The following ITSN1 variants were observed in gnomAD, a reference collection of about 807,000 sequenced individuals.
The protein encoded by ITSN1 is intersectin 1.
ITSN1 carries 58 observed loss-of-function variants against 239.8 expected under a neutral mutation model. That is an observed-to-expected ratio of 0.24 (90% CI 0.20 to 0.30). The LOEUF is 0.30. ITSN1 is among the 10% of genes least tolerant of loss of function. ITSN1 has a pLI of 1.00. For synonymous variants in ITSN1, 780 were observed against 770.8 expected, an observed-to-expected ratio of 1.01 and a Z score of -0.20; for missense variants, 1,558 against 2,103.3, an observed-to-expected ratio of 0.74 and a Z score of 5.07.
chr21:33,656,433 G>A (rs1337394905), intron 1 of ITSN1, among the ~76,000 whole-genome samples: 1 of 152,116 alleles, frequency 6.6e-6, no homozygotes, highest in East Asian at 1.9e-4. Context: ...ATAAAATGTT[G>A]ACCTCATGCA....
chr21:33,751,649 G>A (rs1050844058), intron 6 of ITSN1, among the ~76,000 whole-genome samples, 161 bp from the exon 7 acceptor site: 3 of 152,164 alleles, frequency 2.0e-5, no homozygotes, highest in African/African-American at 7.2e-5. Context: ...TTTGGCAGGA[G>A]GACAGAGGGT....
Position 33,711,314 on chromosome 21 carries a change from AT to A in ITSN1, c.-32-7473del, listed in dbSNP as rs540375961. Among the ~76,000 whole-genome samples, 101 of 146,304 alleles carry A rather than the reference AT, an allele frequency of 6.9e-4. 1 individual carries two copies. In the South Asian group the frequency reaches 0.017, roughly 24 times the overall value. On this transcript the variant is annotated intron_variant, in intron 1 of 39. Transcript: ENST00000381318. ...TCTGTATCTAGCTCGAGGTTTGTAA[AT>A]TTTTTTTTTCAAAGAACCAAAGTTT...
intron 19 of ITSN1, among the ~76,000 whole-genome samples, chr21:33,801,203 A>G (rs1370784844): frequency 6.6e-6 from 1 of 152,204 alleles, no homozygotes; most frequent in Non-Finnish European, 1.5e-5. Context: ...AAAGTTAACA[A>G]TTGAAACAAA....
At chr21:33,878,409 A>AT (rs1266229588) in intron 34 of ITSN1, among the ~76,000 whole-genome samples, 1 of 151,546 alleles carries the variant, frequency 6.6e-6, no homozygotes, top group African/African-American at 2.4e-5. Flanking sequence ...CTTTTTGCCC[A>AT]TTTTTTCTCT....
Position 33,834,594 on chromosome 21 carries a change from A to G in ITSN1, c.3469+170A>G, listed in dbSNP as rs117341745. 2.2e-3 allele frequency among the ~76,000 whole-genome samples: 341 copies of G among 152,368 alleles called. 1 individual carries two copies. Among genetic ancestry groups the G allele is most frequent in the Non-Finnish European group, 2.7e-3 (186 of 68,036 alleles). ...ATGTGATATGGAATATGTCTTTCAA[A>G]AGGACCAGATATCTAAGTGGCTTTT... On this transcript the variant is annotated intron_variant, in intron 28 of 39. Coordinates refer to ENST00000381318, the MANE Select transcript of ITSN1 (RefSeq NM_003024.3).
intron 1 of ITSN1, among the ~76,000 whole-genome samples, chr21:33,713,983 T>C (rs944692316): frequency 2.0e-5 from 3 of 151,958 alleles, no homozygotes; most frequent in Non-Finnish European, 4.4e-5. Context: ...TACAGGCATG[T>C]GCCACCACAC....
intron 6 of ITSN1, 136 bp from the exon 7 acceptor site, chr21:33,751,674 T>C (rs2067564379): frequency 1.5e-6 from 1 of 658,138 alleles, no homozygotes; most frequent in Non-Finnish European, 2.6e-6. Flanking sequence ...AGGGAAAAGC[T>C]CTTTTCAGTC....
intron 38 of ITSN1, 70 bp from the exon 39 acceptor site, chr21:33,886,217 A>T: frequency 1.5e-6 from 2 of 1,335,862 alleles, no homozygotes; most frequent in Non-Finnish European, 2.0e-6. Context: ...ATCTAAAAAA[A>T]AAAAAAAAAA....
At chr21:33,652,029 TATA>T (rs2088581913) in intron 1 of ITSN1, among the ~76,000 whole-genome samples, 1 of 152,214 alleles carries the variant, frequency 6.6e-6, no homozygotes, top group Non-Finnish European at 1.5e-5. Flanking sequence ...TGGAAACATA[TATA>T]AGGAAAGAAG....
chr21:33,826,876 C>T lies in ITSN1; in HGVS notation c.3229+13C>T. On this transcript the variant is annotated intron_variant, in intron 26 of 39. Coordinates refer to ENST00000381318, the MANE Select transcript of ITSN1 (RefSeq NM_003024.3). The stretch of plus-strand genomic sequence containing the variant: ...GGAAAAAAACCTGGTAAGTTACAAA[C>T]CCTGATGCTTACTTTTCAATGTTTT... The T allele has an allele frequency of 6.2e-7, 1 of 1,606,926 alleles. No homozygotes were observed. The highest frequency in any genetic ancestry group is 8.5e-7 in the Non-Finnish European group (1 of 1,173,512).
At chr21:33,786,480 A>G (rs144607799) in intron 16 of ITSN1, among the ~76,000 whole-genome samples, 1 of 152,248 alleles carries the variant, frequency 6.6e-6, no homozygotes, top group Admixed American at 6.5e-5. Context: ...ATTATGATTC[A>G]AACAAGTGTT....
chr21:33,781,390 C>G (rs998977838), intron 14 of ITSN1, 71 bp from the exon 15 acceptor site: 4 of 828,988 alleles, frequency 4.8e-6, no homozygotes, highest in Admixed American at 2.0e-5. Flanking sequence ...GACTTAAGCT[C>G]TGCCTGGATC....
chr21:33,795,643 T>C (rs187537982), intron 17 of ITSN1, among the ~76,000 whole-genome samples: 4 of 152,226 alleles, frequency 2.6e-5, no homozygotes, highest in Admixed American at 2.0e-4. Flanking sequence ...TATGGTTTTC[T>C]TGGGGGTCAG....
intron 36 of ITSN1, 45 bp downstream of exon 36, chr21:33,883,716 C>G: frequency 6.2e-7 from 1 of 1,600,574 alleles, no homozygotes; most frequent in South Asian, 1.1e-5. Context: ...GGCTCCACGG[C>G]TCTAGGACAC....
At chr21:33,717,364 T>G (rs898957058) in intron 1 of ITSN1, among the ~76,000 whole-genome samples, 1 of 151,552 alleles carries the variant, frequency 6.6e-6, no homozygotes, top group Admixed American at 6.6e-5. Context: ...GCCTGGCTAA[T>G]TTTTGTATTT....
At chr21:33,702,442 T>G (rs115761751) in intron 1 of ITSN1, among the ~76,000 whole-genome samples, 1 of 152,080 alleles carries the variant, frequency 6.6e-6, no homozygotes, top group Non-Finnish European at 1.5e-5. Flanking sequence ...TTTTCAAACA[T>G]TCAGGAAAGT....
chr21:33,843,072 C>T (rs942595609), intron 29 of ITSN1, among the ~76,000 whole-genome samples: 5 of 152,046 alleles, frequency 3.3e-5, no homozygotes, highest in African/African-American at 4.8e-5. Flanking sequence ...TCAGTGAAGT[C>T]GAGATCTTAG....
chr21:33,795,217 G>A (rs1348805471), intron 17 of ITSN1, among the ~76,000 whole-genome samples: 11 of 152,170 alleles, frequency 7.2e-5, no homozygotes, highest in South Asian at 4.1e-4. Context: ...TTGGGAGGCC[G>A]AGGTGGGCGG....
At chr21:33,727,537 T>C (rs1298778549) in intron 4 of ITSN1, among the ~76,000 whole-genome samples, 1 of 151,380 alleles carries the variant, frequency 6.6e-6, no homozygotes, top group Non-Finnish European at 1.5e-5. Flanking sequence ...GTTTGTACTT[T>C]CTTAAGACAC....
Sources: gnomAD v4.1 joint callset for allele counts (sites outside exome capture counted in the v4.1 genomes callset) on GRCh38, gnomAD v4.1.1 for gene constraint, MANE v1.5 for transcripts, NCBI Gene and HGNC (gene_info 2026-07-23, HGNC 2026-07-21) for gene names.